The following MEIOSIN variants were observed in gnomAD, a reference collection of about 807,000 sequenced individuals.
The protein encoded by MEIOSIN is meiosis initiator protein.
Under a neutral mutation model 23.4 loss-of-function variants are expected in MEIOSIN, and 18 were observed. The observed-to-expected ratio is 0.77, with a 90% CI of 0.53 to 1.14. The LOEUF (loss-of-function observed/expected upper bound fraction) is 1.14. Ranked by LOEUF, MEIOSIN falls within the 50% of genes most tolerant of loss-of-function variation. The pLI is 0.00. For missense variants in MEIOSIN, 428 were observed against 242.9 expected, an observed-to-expected ratio of 1.76 and a Z score of -5.07; for synonymous variants, 187 against 100.6, an observed-to-expected ratio of 1.86 and a Z score of -5.14.
At chr19:45,756,555 C>A (rs1968833769) in intron 8 of MEIOSIN, among the ~76,000 whole-genome samples, 3 of 152,074 alleles carry the variant, frequency 2.0e-5, no homozygotes, top group Non-Finnish European at 4.4e-5. Flanking sequence ...GTAGCTGGGA[C>A]CACAGGTGCA....
At chr19:45,737,026 G>A (rs942906486) in intron 2 of MEIOSIN, among the ~76,000 whole-genome samples, 15 of 151,892 alleles carry the variant, frequency 9.9e-5, no homozygotes, top group Middle Eastern at 3.4e-3. Context: ...ATGCCACCAC[G>A]CCCAGCAAAT....
At chr19:45,761,550 G>A (rs1968942646) in intron 11 of MEIOSIN, 129 bp from the exon 12 acceptor site, 12 of 546,550 alleles carry the variant, frequency 2.2e-5, no homozygotes, top group South Asian at 4.5e-5. Flanking sequence ...GGTTACAGGC[G>A]TAAGCCACCA....
At chr19:45,755,572 C>T (rs1968808309) in intron 7 of MEIOSIN, among the ~76,000 whole-genome samples, 1 of 152,148 alleles carries the variant, frequency 6.6e-6, no homozygotes, top group African/African-American at 2.4e-5. Context: ...CTGCCTCAGC[C>T]TCCTGAGTAG....
chr19:45,754,385 G>A, intron 6 of MEIOSIN, 94 bp from the exon 7 acceptor site: 1 of 622,662 alleles, frequency 1.6e-6, no homozygotes, highest in Non-Finnish European at 2.9e-6. Context: ...GCATAGCTTT[G>A]ACACTGACAA....
chr19:45,748,202 T>C (rs10401487), intron 4 of MEIOSIN, among the ~76,000 whole-genome samples: 73,368 of 151,752 alleles, frequency 0.48, 18,069 homozygotes, highest in East Asian at 0.65. Context: ...CTCAGCCTCC[T>C]GAGTGGCTGG....
chr19:45,739,794 C>T, intron 3 of MEIOSIN, 64 bp downstream of exon 3: 2 of 700,744 alleles, frequency 2.9e-6, no homozygotes, highest in South Asian at 1.5e-5. Context: ...CATTGTTCAA[C>T]ACCTCTTACC....
In MEIOSIN at chr19:45,756,002, G is replaced by T; in HGVS notation, c.835G>T (p.Ala279Ser). ...GTGCCAGGGCAGTGTCCAGGATGAC[G>T]CACCTTTCCCTGCGCTCCTGGCTCA... ...CWCQGSVQDD[A>S]PFPALLAQED... The change falls in exon 8 of 15, where the codon GCA becomes TCA. Residue 279 changes from alanine (A) to serine (S), a missense_variant. Ala to Ser is a moderately conservative substitution (Grantham distance 99). Transcript: ENST00000457052. The T allele has an allele frequency of 1.4e-6, 1 of 702,858 alleles. No homozygotes were observed. Among genetic ancestry groups the T allele is most frequent in the Admixed American group, 2.0e-5 (1 of 50,012 alleles). The allele number at this position is 702,858 out of a possible 1,614,324, so 43.5% of individuals were successfully genotyped here.
Position 45,764,503 on chromosome 19 carries a change from TAAATA to T in MEIOSIN, c.*393_*397del, listed in dbSNP as rs1264603353. 5 of 169,388 alleles carry T rather than the reference TAAATA, an allele frequency of 3.0e-5. No individual in the cohort carries two copies. Among genetic ancestry groups the T allele is most frequent in the East Asian group, 1.6e-4 (1 of 6,246 alleles). 10.5% of individuals were successfully genotyped at this position (169,388 alleles called of 1,614,324 possible). ...TCTATTTTTAGACTATTTATTGTTT[TAAATA>T]AAATAAAGCAAGTGGAACCTTTGTT... On this transcript the variant is annotated 3_prime_UTR_variant, in exon 15 of 15. Coordinates refer to ENST00000457052, the MANE Select transcript of MEIOSIN (RefSeq NM_001310124.2).
intron 4 of MEIOSIN, among the ~76,000 whole-genome samples, chr19:45,749,893 A>G (rs1359123129): frequency 6.7e-6 from 1 of 150,266 alleles, no homozygotes; most frequent in Non-Finnish European, 1.5e-5. Context: ...AGTCCCAGCT[A>G]CTCAGGAGGC....
At position 45,751,227 on chromosome 19, in the gene MEIOSIN, A is replaced by T. The variant is rs375275332; in HGVS notation, c.418+441A>T. Among the ~76,000 whole-genome samples, 54 of 151,086 alleles carry T rather than the reference A, an allele frequency of 3.6e-4. 1 individual carries two copies. The highest frequency in any genetic ancestry group is 3.5e-3 in the Middle Eastern group (1 of 286). ...GCGGAGGTTGCTGTGAGCCGAGATCACGCCACTGCACCCTAGCCTGGGCAA... is the reference window on the plus strand; with the variant it reads ...GCGGAGGTTGCTGTGAGCCGAGATCTCGCCACTGCACCCTAGCCTGGGCAA... On this transcript the variant is annotated intron_variant, in intron 5 of 14. Coordinates refer to ENST00000457052, the MANE Select transcript of MEIOSIN (RefSeq NM_001310124.2).
At chr19:45,754,163 G>A (rs1968769911) in intron 6 of MEIOSIN, among the ~76,000 whole-genome samples, 1 of 152,156 alleles carries the variant, frequency 6.6e-6, no homozygotes, top group South Asian at 2.1e-4. Context: ...TTTTAGTAGA[G>A]ACAGGGTTTC....
chr19:45,739,025 C>T (rs1451523318), intron 2 of MEIOSIN, among the ~76,000 whole-genome samples: 2 of 152,144 alleles, frequency 1.3e-5, no homozygotes, highest in African/African-American at 2.4e-5. Flanking sequence ...TCAGGGATGT[C>T]GGCCTTGGCT....
At chr19:45,756,649 C>A (rs1381196346) in intron 8 of MEIOSIN, among the ~76,000 whole-genome samples, 1 of 152,032 alleles carries the variant, frequency 6.6e-6, no homozygotes, top group South Asian at 2.1e-4. Context: ...GTCTTGAACT[C>A]GTAGGCTCAA....
intron 8 of MEIOSIN, among the ~76,000 whole-genome samples, 177 bp from the exon 9 acceptor site, chr19:45,757,000 C>T (rs1047954490): frequency 2.6e-5 from 4 of 152,164 alleles, no homozygotes; most frequent in Admixed American, 1.3e-4. Context: ...CACAGCACTG[C>T]TTACGGGCTG....
chr19:45,738,904 A>G (rs1968454455), intron 2 of MEIOSIN, among the ~76,000 whole-genome samples: 1 of 152,146 alleles, frequency 6.6e-6, no homozygotes, highest in Admixed American at 6.6e-5. Flanking sequence ...CCCCCTTTCT[A>G]GATGTGGGGG....
At chr19:45,738,155 A>C (rs2146172898) in intron 2 of MEIOSIN, among the ~76,000 whole-genome samples, 1 of 152,346 alleles carries the variant, frequency 6.6e-6, no homozygotes, top group Non-Finnish European at 1.5e-5. Context: ...AGGTTGGATC[A>C]GATTTCTCCC....
intron 5 of MEIOSIN, among the ~76,000 whole-genome samples, chr19:45,753,014 C>G (rs373352308): frequency 9.9e-5 from 15 of 151,588 alleles, no homozygotes; most frequent in Admixed American, 2.6e-4. Context: ...AGCTCCACCC[C>G]CTGGGTTCAA....
chr19:45,738,251 A>G (rs767754160), intron 2 of MEIOSIN, among the ~76,000 whole-genome samples: 31 of 152,214 alleles, frequency 2.0e-4, no homozygotes, highest in Non-Finnish European at 3.4e-4. Context: ...CCATCCAACT[A>G]TCTCTTCATT....
chr19:45,747,869 G>A (rs1029617488), intron 4 of MEIOSIN, among the ~76,000 whole-genome samples: 1 of 152,198 alleles, frequency 6.6e-6, no homozygotes, highest in African/African-American at 2.4e-5. Flanking sequence ...GGAGGCTGAA[G>A]CAGGCAGATT....
Sources: allele counts gnomAD v4.1 joint callset (sites outside exome capture counted in the v4.1 genomes callset), GRCh38; gene constraint gnomAD v4.1.1; transcripts MANE v1.5; gene names NCBI Gene and HGNC (gene_info 2026-07-23, HGNC 2026-07-21).